Variants in SLC25A13 observed in about 807,000 individuals in gnomAD.
The protein encoded by SLC25A13 is electrogenic aspartate/glutamate antiporter SLC25A13, mitochondrial.
A neutral mutation model predicts 85.5 loss-of-function variants in SLC25A13; 70 were observed. The ratio of observed to expected loss-of-function variants is 0.82; its 90% CI spans 0.68 to 1.00. The LOEUF is 1.00. SLC25A13 is among the 50% of genes least tolerant of loss of function. The pLI, the probability that SLC25A13 is intolerant of heterozygous loss-of-function variation, is 0.00. For synonymous variants in SLC25A13, 259 were observed against 288.7 expected, an observed-to-expected ratio of 0.90 and a Z score of 1.04; for missense variants, 765 against 819.8, an observed-to-expected ratio of 0.93 and a Z score of 0.82.
rs1301680667 is a variant in SLC25A13 at position 96,189,303 on chromosome 7, G to C, written c.924C>G (p.Ala308=). The change falls in exon 9 of 18, where the codon GCC becomes GCG. Residue 308 remains alanine, a synonymous_variant. Coordinates refer to ENST00000265631, the MANE Select transcript of SLC25A13 (RefSeq NM_014251.3). ...EGTLPFNLAE[A]QRQKASGDSA... is the part of the protein sequence containing the mutation. ...GCTCCTCTTTGCTCACCTGCCTCTG[G>C]GCCTCAGCCAAGTTAAAGGGCAGAG... The C allele has an allele frequency of 6.2e-7, 1 of 1,613,938 alleles. No individual in the cohort carries two copies. The highest frequency in any genetic ancestry group is 1.7e-5 in the Admixed American group (1 of 59,990).
At chr7:96,265,575 T>C (rs1798017963) in intron 3 of SLC25A13, among the ~76,000 whole-genome samples, 1 of 152,190 alleles carries the variant, frequency 6.6e-6, no homozygotes, top group East Asian at 1.9e-4. Flanking sequence ...ACTCAGAATT[T>C]TAAAATGTAA....
chr7:96,218,595 A>C (rs1389699527), intron 4 of SLC25A13, among the ~76,000 whole-genome samples: 2 of 152,208 alleles, frequency 1.3e-5, no homozygotes, highest in Non-Finnish European at 2.9e-5. Context: ...TAATTTCTAA[A>C]AGATTCACTT....
chr7:96,156,039 G>C (rs1241582954), intron 13 of SLC25A13, among the ~76,000 whole-genome samples: 4 of 152,190 alleles, frequency 2.6e-5, no homozygotes, highest in Non-Finnish European at 5.9e-5. Flanking sequence ...GAACGGAGTA[G>C]CTGCCTGAAT....
chr7:96,120,542 G>C lies in SLC25A13; in HGVS notation c.*649C>G. ...GTTTTTTCTGTCTGTACAGTAAAAT[G>C]CCAAAAGTACTTCCCTAAAGTACAA... On this transcript the variant is annotated 3_prime_UTR_variant, in exon 18 of 18. Coordinates refer to ENST00000265631, the MANE Select transcript of SLC25A13 (RefSeq NM_014251.3). The C allele has an allele frequency of 2.2e-6, 1 of 454,470 alleles. No individual in the cohort carries two copies. The highest frequency in any genetic ancestry group is 4.4e-6 in the Non-Finnish European group (1 of 226,772). The allele number at this position is 454,470 out of a possible 1,614,324, so 28.2% of individuals were successfully genotyped here. A position where few individuals can be genotyped will look rare whatever the true frequency, so the allele number is the denominator to read the frequency against.
Position 96,321,989 on chromosome 7 carries a change from C to CAATG in SLC25A13, c.-34_-33insCATT. The CAATG allele has an allele frequency of 6.5e-7, 1 of 1,536,498 alleles. No homozygotes were observed. The highest frequency in any genetic ancestry group is 8.8e-7 in the Non-Finnish European group (1 of 1,142,208). On this transcript the variant is annotated 5_prime_UTR_variant, in exon 1 of 18. Transcript: ENST00000265631. Reference sequence around the variant, plus strand: ...CCCGGTTGCGGGCGACTGCGGGACCCACTGACTGGCTGGCTGGCGTTTGGG... The same window carrying CAATG: ...CCCGGTTGCGGGCGACTGCGGGACCCAATGACTGACTGGCTGGCTGGCGTTTGGG...
chr7:96,297,400 C>A (rs1290961749), intron 1 of SLC25A13, among the ~76,000 whole-genome samples: 1 of 151,688 alleles, frequency 6.6e-6, no homozygotes, highest in African/African-American at 2.4e-5. Flanking sequence ...GTGGTGCAAT[C>A]TCGGCTCACT....
At chr7:96,184,800 A>G (rs760986854) in intron 10 of SLC25A13, 127 bp downstream of exon 10, 123 of 838,394 alleles carry the variant, frequency 1.5e-4, no homozygotes, top group East Asian at 5.6e-4. Context: ...CCTCACAGGT[A>G]GAAACTGATA....
Position 96,158,330 on chromosome 7 carries a change from A to T in SLC25A13, c.1312-11634T>A, listed in dbSNP as rs1793368622. On this transcript the variant is annotated intron_variant, in intron 13 of 17. Coordinates refer to ENST00000265631, the MANE Select transcript of SLC25A13 (RefSeq NM_014251.3). ...AGACTATTAATAGTCTTGCATTAAA[A>T]CAAATTAAACCCATCATCAGTCTGC... 2.0e-5 allele frequency among the ~76,000 whole-genome samples: 3 copies of T among 152,212 alleles called. No homozygotes were observed. The South Asian group carries it at 6.2e-4, about 32-fold the overall frequency.
chr7:96,191,128 T>C lies in SLC25A13; in HGVS notation c.735A>G (p.Lys245=). The C allele has an allele frequency of 1.2e-6, 2 of 1,614,136 alleles. No homozygotes were observed. Among genetic ancestry groups the C allele is most frequent in the Non-Finnish European group, 1.7e-6 (2 of 1,180,016 alleles). Residue 245 remains lysine, a synonymous_variant, in exon 7 of 18, where the codon AAA becomes AAG. Coordinates refer to ENST00000265631, the MANE Select transcript of SLC25A13 (RefSeq NM_014251.3). Reference sequence around the variant, plus strand: ...ACTCACCCTTAGTCACTTCAACATCTTTCCTGGTGCCAGCCAGAGTGCTAT... The same window carrying C: ...ACTCACCCTTAGTCACTTCAACATCCTTCCTGGTGCCAGCCAGAGTGCTAT... The part of the protein sequence containing the change: ...KIYSTLAGTR[K]DVEVTKEEFV...
intron 1 of SLC25A13, among the ~76,000 whole-genome samples, chr7:96,320,500 T>C (rs1800300039): frequency 6.6e-6 from 1 of 152,188 alleles, no homozygotes; most frequent in African/African-American, 2.4e-5. Flanking sequence ...GCCTTGTACC[T>C]TGGTTGCATG....
rs1344054993 is a variant in SLC25A13 at position 96,135,808 on chromosome 7, T to A, written c.1453-3927A>T. Among the ~76,000 whole-genome samples, 4 of 150,872 alleles carry A rather than the reference T, an allele frequency of 2.7e-5. No homozygotes were observed. In the East Asian group the frequency reaches 7.8e-4, roughly 29 times the overall value. ...CAAAGGTGTGCCACTTAAAAAAAAA[T>A]ATTTAAACATTCCTGCCATATAAGA... On this transcript the variant is annotated intron_variant, in intron 14 of 17. Coordinates refer to ENST00000265631, the MANE Select transcript of SLC25A13 (RefSeq NM_014251.3).
At chr7:96,155,328 T>C (rs542290123) in intron 13 of SLC25A13, among the ~76,000 whole-genome samples, 3 of 152,208 alleles carry the variant, frequency 2.0e-5, no homozygotes, top group Non-Finnish European at 2.9e-5. Context: ...TGATTCATTA[T>C]GTATGAAGGA....
At chr7:96,229,678 G>A (rs1277713958) in intron 4 of SLC25A13, among the ~76,000 whole-genome samples, 1 of 151,746 alleles carries the variant, frequency 6.6e-6, no homozygotes, top group Admixed American at 6.6e-5. Context: ...AACTCTGGAC[G>A]GGAGGAATGA....
Position 96,193,034 on chromosome 7 carries a change from T to C in SLC25A13, c.615+3A>G. The C allele has an allele frequency of 6.2e-7, 1 of 1,614,066 alleles. No individual in the cohort carries two copies. The highest frequency in any genetic ancestry group is 8.5e-7 in the Non-Finnish European group (1 of 1,179,988). On this transcript the variant is annotated splice_donor_region_variant and intron_variant, in intron 6 of 17. Transcript: ENST00000265631. ...CACTTCATTAGGGCAAGTTACAACTTACAGCTACTAGACATTCTTCTACAA... is the reference window on the plus strand; with the variant it reads ...CACTTCATTAGGGCAAGTTACAACTCACAGCTACTAGACATTCTTCTACAA...
At chr7:96,134,528 C>T (rs1048903998) in intron 14 of SLC25A13, among the ~76,000 whole-genome samples, 27 of 151,954 alleles carry the variant, frequency 1.8e-4, no homozygotes, top group African/African-American at 6.5e-4. Context: ...AGACATGACT[C>T]GAAATTATAA....
At chr7:96,260,930 T>C (rs1797829992) in intron 3 of SLC25A13, among the ~76,000 whole-genome samples, 1 of 152,138 alleles carries the variant, frequency 6.6e-6, no homozygotes, top group South Asian at 2.1e-4. Context: ...TGACTTCTAC[T>C]ACTCTCAAAA....
At chr7:96,287,777 G>A (rs1364796469) in intron 2 of SLC25A13, among the ~76,000 whole-genome samples, 1 of 152,162 alleles carries the variant, frequency 6.6e-6, no homozygotes, top group Non-Finnish European at 1.5e-5. Flanking sequence ...TCAGAAGGAT[G>A]CCCACCACTC....
intron 4 of SLC25A13, among the ~76,000 whole-genome samples, chr7:96,218,585 T>C (rs1296274358): frequency 3.9e-5 from 6 of 152,330 alleles, no homozygotes; most frequent in African/African-American, 1.2e-4. Flanking sequence ...TAATGCATTT[T>C]AATTTCTAAA....
intron 13 of SLC25A13, among the ~76,000 whole-genome samples, chr7:96,167,915 T>C (rs531560815): frequency 1.3e-5 from 2 of 151,710 alleles, no homozygotes; most frequent in Non-Finnish European, 2.9e-5. Flanking sequence ...CTGGCCAACA[T>C]GGTGAAACCT....
Sources: allele counts gnomAD v4.1 joint callset (sites outside exome capture counted in the v4.1 genomes callset), GRCh38; gene constraint gnomAD v4.1.1; transcripts MANE v1.5; gene names NCBI Gene and HGNC (gene_info 2026-07-23, HGNC 2026-07-21).